The following EYS variants were observed in gnomAD, a reference collection of about 807,000 sequenced individuals.
EYS encodes protein eyes shut homolog.
In EYS, 250 loss-of-function variants were observed where a neutral mutation model predicts 282.1. That is an observed-to-expected ratio of 0.89 (90% confidence interval 0.80 to 0.98). The LOEUF is 0.98. EYS is among the 50% of genes least tolerant of loss of function. The pLI is 0.00. For synonymous variants in EYS, 1,355 were observed against 1,282.9 expected (o/e 1.06, Z -1.20); for missense variants, 4,016 against 3,709.0 (o/e 1.08, Z -2.15).
chr6:64,720,769 A>G (rs1490678602), intron 22 of EYS, among the ~76,000 whole-genome samples: 1 of 152,144 alleles, frequency 6.6e-6, no homozygotes, highest in Non-Finnish European at 1.5e-5. Context: ...ACACACACAT[A>G]CCAGTCTATC....
At chr6:64,020,338 T>G (rs1013682607) in intron 33 of EYS, among the ~76,000 whole-genome samples, 33 of 152,160 alleles carry the variant, frequency 2.2e-4, no homozygotes, top group African/African-American at 7.7e-4. Flanking sequence ...TAAATATGTA[T>G]AAATGTAATA....
intron 26 of EYS, among the ~76,000 whole-genome samples, chr6:64,450,961 A>G (rs1775311829): frequency 6.6e-6 from 1 of 152,212 alleles, no homozygotes; most frequent in South Asian, 2.1e-4. Context: ...GAGAAGCAAG[A>G]GCAAACACAT....
intron 26 of EYS, among the ~76,000 whole-genome samples, chr6:64,548,758 A>G (rs562411094): frequency 6.6e-6 from 1 of 152,304 alleles, no homozygotes; most frequent in East Asian, 1.9e-4. Flanking sequence ...CAGCACACCA[A>G]CATGGCACAT....
chr6:63,794,552 T>G (rs1242030230), intron 37 of EYS, among the ~76,000 whole-genome samples: 2 of 152,218 alleles, frequency 1.3e-5, no homozygotes, highest in Non-Finnish European at 2.9e-5. Context: ...TTTCTTGTAA[T>G]GGGACGTTCT....
chr6:64,977,065 G>A lies in EYS; in HGVS notation c.2259+20517C>T, dbSNP rs571121653. Among the ~76,000 whole-genome samples the A allele has an allele frequency of 1.4e-4, 21 of 151,628 alleles. No individual in the cohort carries two copies. In the South Asian group the frequency reaches 1.5e-3, roughly 11 times the overall value. On this transcript the variant is annotated intron_variant, in intron 14 of 42. Transcript: ENST00000503581. ...ATGCCACCACGCTTGCCTAATTTTC[G>A]TATTTTTAGTAAAGATGGGATTTTG...
At chr6:63,847,180 A>T (rs1772121731) in intron 36 of EYS, among the ~76,000 whole-genome samples, 2 of 152,192 alleles carry the variant, frequency 1.3e-5, no homozygotes, top group Admixed American at 6.5e-5. Flanking sequence ...TTGTGACTTG[A>T]TTATATAAGA....
chr6:64,008,842 CT>C (rs1768471694), intron 33 of EYS, among the ~76,000 whole-genome samples: 1 of 152,190 alleles, frequency 6.6e-6, no homozygotes, highest in Admixed American at 6.5e-5. Context: ...TGCTGTTAGC[CT>C]GATGGGGTTC....
rs116219128 is a variant in EYS, at chr6:64,721,190, A to G, written c.3443+92188T>C. Among the ~76,000 whole-genome samples the G allele has an allele frequency of 8.4e-3, 1,275 of 152,272 alleles. 5 individuals are homozygous for G. Among genetic ancestry groups the G allele is most frequent in the East Asian group, 0.019 (97 of 5,172 alleles). On this transcript the variant is annotated intron_variant, in intron 22 of 42. Coordinates refer to ENST00000503581, the MANE Select transcript of EYS (RefSeq NM_001142800.2). Reference sequence around the variant, plus strand: ...TCTTTATGGAGCTCACAATTCAATAAGATAGCTGAGCAGTAAGTAAATAAA... The same window carrying G: ...TCTTTATGGAGCTCACAATTCAATAGGATAGCTGAGCAGTAAGTAAATAAA...
At chr6:65,602,394 C>G (rs1433543019) in intron 2 of EYS, among the ~76,000 whole-genome samples, 1 of 151,752 alleles carries the variant, frequency 6.6e-6, no homozygotes, top group Non-Finnish European at 1.5e-5. Flanking sequence ...TAATTTTTTA[C>G]TAAATTTGAT....
intron 29 of EYS, among the ~76,000 whole-genome samples, chr6:64,309,898 G>C (rs1769610235): frequency 6.6e-6 from 1 of 151,398 alleles, no homozygotes; most frequent in Non-Finnish European, 1.5e-5. Flanking sequence ...CTTGGAGGAG[G>C]AGGTTGCAGT....
chr6:64,342,998 A>G (rs1485553377), intron 29 of EYS, among the ~76,000 whole-genome samples: 2 of 152,152 alleles, frequency 1.3e-5, no homozygotes, highest in South Asian at 2.1e-4. Flanking sequence ...TTCAACAAGA[A>G]GAACTAACTA....
At chr6:65,036,964 T>C (rs1772790292) in intron 13 of EYS, among the ~76,000 whole-genome samples, 1 of 151,994 alleles carries the variant, frequency 6.6e-6, no homozygotes, top group Admixed American at 6.6e-5. Context: ...ACTGGGTATA[T>C]ACCCAAAGGA....
At chr6:64,901,610 C>T (rs1490776980) in intron 18 of EYS, among the ~76,000 whole-genome samples, 2 of 151,918 alleles carry the variant, frequency 1.3e-5, no homozygotes, top group East Asian at 1.9e-4. Flanking sequence ...TATGTAACCT[C>T]GGACATACTA....
chr6:64,725,614 A>G (rs1771725709), intron 22 of EYS, among the ~76,000 whole-genome samples: 1 of 152,128 alleles, frequency 6.6e-6, no homozygotes, highest in Non-Finnish European at 1.5e-5. Context: ...AATCATTGTC[A>G]TTTTGACTTC....
intron 21 of EYS, among the ~76,000 whole-genome samples, chr6:64,818,443 AG>A (rs1440776904): frequency 1.3e-5 from 2 of 152,134 alleles, no homozygotes; most frequent in African/African-American, 4.8e-5. Flanking sequence ...GAGTTTATTA[AG>A]GAGTACTGAC....
chr6:63,727,808 G>A (rs962195532), intron 41 of EYS, among the ~76,000 whole-genome samples: 4 of 122,320 alleles, frequency 3.3e-5, no homozygotes, highest in Non-Finnish European at 6.5e-5. Context: ...AGGCTGAAGT[G>A]GAAGGATCAG....
intron 12 of EYS, among the ~76,000 whole-genome samples, chr6:65,086,231 G>A (rs1329720677): frequency 1.3e-5 from 2 of 151,994 alleles, no homozygotes; most frequent in Non-Finnish European, 2.9e-5. Flanking sequence ...CAGGAGAATT[G>A]CTGGAACCCA....
At chr6:65,549,752 A>G in intron 2 of EYS, among the ~76,000 whole-genome samples, 1 of 152,208 alleles carries the variant, frequency 6.6e-6, no homozygotes, top group East Asian at 1.9e-4. Flanking sequence ...TGTTTTTCCA[A>G]CCTGACTTTC....
intron 29 of EYS, among the ~76,000 whole-genome samples, chr6:64,317,711 T>C (rs1770031053): frequency 1.3e-5 from 2 of 152,140 alleles, no homozygotes; most frequent in South Asian, 2.1e-4. Flanking sequence ...ATAATTCTAC[T>C]ATAAACACAC....
Sources: gnomAD v4.1 joint callset for allele counts (sites outside exome capture counted in the v4.1 genomes callset) on GRCh38, gnomAD v4.1.1 for gene constraint, MANE v1.5 for transcripts, NCBI Gene and HGNC (gene_info 2026-07-23, HGNC 2026-07-21) for gene names.